The following CEP63 variants were observed in gnomAD, a reference collection of about 807,000 sequenced individuals.
The protein encoded by CEP63 is centrosomal protein of 63 kDa.
A neutral mutation model predicts 89.1 loss-of-function variants in CEP63; 84 were observed. The observed-to-expected ratio is 0.94, with a 90% CI of 0.79 to 1.13. The LOEUF is 1.13. Ranked by LOEUF, CEP63 falls within the 50% of genes most tolerant of loss-of-function variation. The probability of loss-of-function intolerance (pLI) is 0.00; values close to 1 mark genes in which losing one functional copy is unlikely to be tolerated. For missense variants in CEP63, 838 were observed against 813.3 expected, an observed-to-expected ratio of 1.03 and a Z score of -0.37; for synonymous variants, 267 against 272.5, an observed-to-expected ratio of 0.98 and a Z score of 0.20.
intron 2 of CEP63, among the ~76,000 whole-genome samples, chr3:134,502,283 G>GC (rs1553745780): frequency 1.3e-5 from 2 of 151,084 alleles, no homozygotes; most frequent in Admixed American, 1.3e-4. Flanking sequence ...TTGGTCTGTA[G>GC]TTTTTTTTTG....
At chr3:134,574,751 G>A (rs569610558) in intron 11 of CEP63, 35 of 574,496 alleles carry the variant, frequency 6.1e-5, no homozygotes, top group Non-Finnish European at 9.9e-5. Context: ...CTTCAGGCAC[G>A]TGCCACCACA....
chr3:134,569,659 G>T (rs1358463335), downstream of CEP63, among the ~76,000 whole-genome samples: 4 of 152,134 alleles, frequency 2.6e-5, no homozygotes, highest in Admixed American at 2.6e-4. Context: ...GCTTTTCCAG[G>T]TGCACGGTGC....
chr3:134,701,388 A>ATG, the CEP63 span, among the ~76,000 whole-genome samples: 180 of 6,316 alleles, frequency 0.028, 44 homozygotes, highest in South Asian at 0.17. Flanking sequence ...ATATACGTAT[A>ATG]TATGTGTATA....
the CEP63 span, among the ~76,000 whole-genome samples, chr3:134,718,179 A>G: frequency 1.2e-4 from 19 of 152,296 alleles, no homozygotes; most frequent in East Asian, 1.9e-3. Flanking sequence ...AAGCTGTCCA[A>G]TGAAAATCAG....
chr3:134,687,825 G>C, the CEP63 span, among the ~76,000 whole-genome samples: 4 of 152,184 alleles, frequency 2.6e-5, no homozygotes, highest in Non-Finnish European at 5.9e-5. Context: ...GGATGGGTCA[G>C]CCACAGCTGT....
chr3:134,687,447 G>T, the CEP63 span, among the ~76,000 whole-genome samples: 1 of 152,192 alleles, frequency 6.6e-6, no homozygotes, highest in Non-Finnish European at 1.5e-5. Context: ...AGAGCTGGGA[G>T]ATAGCACCAT....
At chr3:134,558,959 CTTGG>C (rs1335493227) in intron 13 of CEP63, among the ~76,000 whole-genome samples, 187 bp from the exon 14 acceptor site, 1 of 152,086 alleles carries the variant, frequency 6.6e-6, no homozygotes, top group Non-Finnish European at 1.5e-5. Context: ...AGGGCAGGGA[CTTGG>C]TAGTTGGAAT....
chr3:134,558,307 A>G lies in CEP63; in HGVS notation c.1633A>G (p.Thr545Ala), dbSNP rs1017109847. 7 of 1,613,726 alleles carry G rather than the reference A, an allele frequency of 4.3e-6. No homozygotes were observed. The African/African-American group carries it at 9.3e-5, about 22-fold the overall frequency. ...KKQNDRIFKP[T>A]HSRTTEFKNT... The stretch of plus-strand genomic sequence containing the variant: ...ACAAAATGACAGGATCTTTAAACCA[A>G]CACACAGCAGAACAACTGAGTTCAA... The change falls in exon 13 of 15, where the codon ACA becomes GCA. Residue 545 changes from threonine (T) to alanine (A), a missense_variant. Coordinates refer to ENST00000675561, the MANE Select transcript of CEP63 (RefSeq NM_001353108.3).
the CEP63 span, among the ~76,000 whole-genome samples, chr3:134,669,220 G>T: frequency 6.6e-6 from 1 of 152,118 alleles, no homozygotes; most frequent in African/African-American, 2.4e-5. Flanking sequence ...TGTAGAGAGA[G>T]GGTTTTGCCA....
intron 12 of CEP63, among the ~76,000 whole-genome samples, chr3:134,556,453 G>C (rs188882979): frequency 3.9e-5 from 6 of 152,176 alleles, no homozygotes; most frequent in African/African-American, 1.2e-4. Context: ...GGGAAAGTGG[G>C]AAGGAGGGAA....
At chr3:134,543,850 AG>A in intron 6 of CEP63, among the ~76,000 whole-genome samples, 1 of 151,934 alleles carries the variant, frequency 6.6e-6, no homozygotes, top group African/African-American at 2.4e-5. Flanking sequence ...TTGAAAGAAA[AG>A]TTTATATTAT....
At chr3:134,539,105 A>G (rs2109315277) in intron 6 of CEP63, among the ~76,000 whole-genome samples, 1 of 152,336 alleles carries the variant, frequency 6.6e-6, no homozygotes, top group South Asian at 2.1e-4. Flanking sequence ...AAACTAAATA[A>G]AATTAAATCT....
rs145128423 is a variant in CEP63 at position 134,545,517 on chromosome 3, T to C, written c.556-69T>C. The C allele has an allele frequency of 1.1e-5, 12 of 1,092,448 alleles. No homozygotes were observed. The African/African-American group carries it at 1.3e-4, about 11-fold the overall frequency. 67.7% of individuals were successfully genotyped at this position (1,092,448 alleles called of 1,614,324 possible). A position where few individuals can be genotyped will look rare whatever the true frequency, so the allele number is the denominator to read the frequency against. ...TGTTTTTATGGAAATAATAGTTTCA[T>C]TTTAGTCTTATTCATTGATTATTTT... On this transcript the variant is annotated intron_variant, in intron 6 of 14. Coordinates refer to ENST00000675561, the MANE Select transcript of CEP63 (RefSeq NM_001353108.3).
chr3:134,535,557 T>G (rs956429896), intron 5 of CEP63: 1 of 151,210 alleles, frequency 6.6e-6, no homozygotes, highest in Non-Finnish European at 1.5e-5. Flanking sequence ...ATTTCATAGC[T>G]TTAACACTGT....
the CEP63 span, among the ~76,000 whole-genome samples, chr3:134,638,632 G>A: frequency 2.1e-3 from 323 of 152,236 alleles, no homozygotes; most frequent in African/African-American, 7.2e-3. Context: ...CCTAGACCCC[G>A]CCAGCTCTCC....
At chr3:134,596,823 A>G in the CEP63 span, among the ~76,000 whole-genome samples, 1 of 152,200 alleles carries the variant, frequency 6.6e-6, no homozygotes, top group Non-Finnish European at 1.5e-5. Context: ...GGGTTAACAG[A>G]TGAGCAACAA....
chr3:134,738,280 A>C, the CEP63 span, among the ~76,000 whole-genome samples: 1 of 114,508 alleles, frequency 8.7e-6, no homozygotes, highest in Non-Finnish European at 2.1e-5. Flanking sequence ...ACACACACAC[A>C]CACACACACC....
In CEP63 at chr3:134,563,794, G is replaced by A. The variant is rs1957551403; in HGVS notation, c.*2259G>A. The A allele has an allele frequency of 1.3e-5, 2 of 152,194 alleles. No individual in the cohort carries two copies. The highest frequency in any genetic ancestry group is 6.5e-5 in the Admixed American group (1 of 15,270). The allele number at this position is 152,194 out of a possible 1,614,324, so 9.4% of individuals were successfully genotyped here. On this transcript the variant is annotated 3_prime_UTR_variant, in exon 15 of 15. Transcript: ENST00000675561. ...AGCCTACAGAGTGTCAATAATCTGG[G>A]CCTAATCACCCATTGCATCATCCTT...
chr3:134,531,722 C>T, intron 3 of CEP63, 123 bp from the exon 4 acceptor site: 3 of 742,320 alleles, frequency 4.0e-6, no homozygotes, highest in Non-Finnish European at 7.1e-6. Context: ...GGGGTATCAC[C>T]ATATATATGC....
Sources: gnomAD v4.1 joint callset for allele counts (sites outside exome capture counted in the v4.1 genomes callset) on GRCh38, gnomAD v4.1.1 for gene constraint, MANE v1.5 for transcripts, NCBI Gene and HGNC (gene_info 2026-07-23, HGNC 2026-07-21) for gene names.